UEVLD: variants seen among roughly 807,000 people sequenced by gnomAD.
UEVLD encodes ubiquitin-conjugating enzyme E2 variant 3.
In UEVLD, 47 loss-of-function variants were observed where a neutral mutation model predicts 58.6. The ratio of observed to expected loss-of-function variants is 0.80; its 90% CI spans 0.63 to 1.02. The LOEUF (loss-of-function observed/expected upper bound fraction) is 1.02, where lower values mean the gene tolerates loss of function less well. Ranked by LOEUF, UEVLD falls within the 50% of genes least tolerant of loss-of-function variation. UEVLD has a pLI of 0.00. For missense variants in UEVLD, 510 were observed against 550.6 expected (o/e 0.93, Z 0.74); for synonymous variants, 197 against 195.3 (o/e 1.01, Z -0.07).
chr11:18,564,023 AAG>A (rs1491348492), intron 6 of UEVLD: 19 of 338,740 alleles, frequency 5.6e-5, no homozygotes, highest in South Asian at 9.8e-5. Context: ...AAAAAAAAAA[AAG>A]AGGTGATAGT....
At chr11:18,546,837 G>T in intron 8 of UEVLD, 43 bp downstream of exon 8, 1 of 1,599,494 alleles carries the variant, frequency 6.3e-7, no homozygotes, top group Non-Finnish European at 8.5e-7. Context: ...CAATTCTACT[G>T]ATGTACTGGA....
intron 1 of UEVLD, among the ~76,000 whole-genome samples, chr11:18,584,151 A>G (rs1481733013): frequency 6.6e-6 from 1 of 152,206 alleles, no homozygotes; most frequent in Admixed American, 6.5e-5. Flanking sequence ...AGTCAAGGAC[A>G]AAGGATCACT....
intron 7 of UEVLD, among the ~76,000 whole-genome samples, chr11:18,552,766 C>T (rs1025133056): frequency 3.3e-5 from 5 of 151,756 alleles, no homozygotes; most frequent in African/African-American, 1.2e-4. Flanking sequence ...GAGGCTGGGG[C>T]AAGAGAATCG....
At chr11:18,556,177 A>G (rs1851750202) in intron 7 of UEVLD, among the ~76,000 whole-genome samples, 1 of 152,236 alleles carries the variant, frequency 6.6e-6, no homozygotes, top group African/African-American at 2.4e-5. Flanking sequence ...CTTCAGTCCT[A>G]CGTGGCCTCA....
chr11:18,577,757 A>C (rs1852994841), intron 2 of UEVLD, among the ~76,000 whole-genome samples: 1 of 151,912 alleles, frequency 6.6e-6, no homozygotes, highest in African/African-American at 2.4e-5. Context: ...CTGTAATCCC[A>C]GCTACTCGGA....
At chr11:18,544,035 T>C (rs1251531609) in intron 9 of UEVLD, among the ~76,000 whole-genome samples, 2 of 152,240 alleles carry the variant, frequency 1.3e-5, no homozygotes, top group African/African-American at 4.8e-5. Context: ...TTTAAATGTT[T>C]CTTTCTGGAA....
chr11:18,563,410 G>C (rs1384077069), intron 6 of UEVLD, among the ~76,000 whole-genome samples: 1 of 151,918 alleles, frequency 6.6e-6, no homozygotes, highest in Non-Finnish European at 1.5e-5. Context: ...GGGCAACATG[G>C]TGAAACTCTG....
At chr11:18,570,167 T>TAA in intron 4 of UEVLD, 47 bp downstream of exon 4, 1 of 1,461,018 alleles carries the variant, frequency 6.8e-7, no homozygotes, top group Non-Finnish European at 9.2e-7. Context: ...TGATAGGTAT[T>TAA]TAAAAAAAAA....
At chr11:18,575,266 G>T in intron 3 of UEVLD, 81 bp downstream of exon 3, 1 of 1,430,638 alleles carries the variant, frequency 7.0e-7, no homozygotes, top group Non-Finnish European at 9.6e-7. Flanking sequence ...CTTTAAGAAT[G>T]TTATGGCATA....
intron 1 of UEVLD, among the ~76,000 whole-genome samples, chr11:18,582,598 G>A (rs575530729): frequency 6.6e-6 from 1 of 152,010 alleles, no homozygotes; most frequent in African/African-American, 2.4e-5. Context: ...CCCTCCCAAA[G>A]GGCTGGGATT....
At chr11:18,572,623 G>A (rs182332673) in intron 3 of UEVLD, among the ~76,000 whole-genome samples, 135 of 152,188 alleles carry the variant, frequency 8.9e-4, no homozygotes, top group African/African-American at 3.1e-3. Context: ...TGACCAACAT[G>A]GAGAAACCTC....
At chr11:18,585,616 C>A (rs1853508210) in intron 1 of UEVLD, among the ~76,000 whole-genome samples, 1 of 151,540 alleles carries the variant, frequency 6.6e-6, no homozygotes, top group Non-Finnish European at 1.5e-5. Context: ...AATCTATCAT[C>A]TATTCTTTCC....
chr11:18,567,709 G>A (rs765803415), intron 4 of UEVLD, among the ~76,000 whole-genome samples: 7 of 152,106 alleles, frequency 4.6e-5, no homozygotes, highest in Non-Finnish European at 8.8e-5. Context: ...GCAAACCCTG[G>A]CCTAGATGAC....
intron 10 of UEVLD, 118 bp downstream of exon 10, chr11:18,536,287 GT>G: frequency 1.1e-6 from 1 of 896,798 alleles, no homozygotes. Flanking sequence ...ATACTTTTGG[GT>G]TTGTCCATAT....
intron 7 of UEVLD, among the ~76,000 whole-genome samples, chr11:18,557,326 G>A (rs1381874790): frequency 6.6e-6 from 1 of 150,620 alleles, no homozygotes; most frequent in Admixed American, 6.6e-5. Context: ...TAATTTTTTT[G>A]TATTTTTAGT....
At chr11:18,564,052 T>C in intron 6 of UEVLD, 1 of 193,654 alleles carries the variant, frequency 5.2e-6, no homozygotes, top group Non-Finnish European at 1.1e-5. Context: ...AAATGGAGGG[T>C]GAAAGAAATA....
intron 6 of UEVLD, among the ~76,000 whole-genome samples, chr11:18,560,549 T>A (rs1245263911): frequency 6.6e-6 from 1 of 152,146 alleles, no homozygotes; most frequent in East Asian, 1.9e-4. Flanking sequence ...TATCAGTACA[T>A]GTGTAAAAGA....
intron 9 of UEVLD, 35 bp downstream of exon 9, chr11:18,544,588 A>AG: frequency 6.4e-7 from 1 of 1,571,858 alleles, no homozygotes; most frequent in Non-Finnish European, 8.6e-7. Context: ...TACAGGCATG[A>AG]GCCACCACAC....
Position 18,546,915 on chromosome 11 carries a change from C to T in UEVLD, c.851G>A (p.Ser284Asn). Residue 284 changes from serine to asparagine, a missense_variant, in exon 8 of 12, where the codon AGT (serine) becomes AAT (asparagine). Ser to Asn is a conservative substitution (Grantham distance 46). Transcript: ENST00000396197. ...TGCAACGAGCAGGACACTGTGTTGA[C>T]TATAATGTCCCAGAGCTGGGACAAG... ...RALVPALGHY[S>N]QHSVLLVASQ... The T allele has an allele frequency of 1.2e-6, 2 of 1,613,882 alleles. No homozygotes were observed. Among genetic ancestry groups the T allele is most frequent in the South Asian group, 1.1e-5 (1 of 91,002 alleles).
Sources: allele counts gnomAD v4.1 joint callset (sites outside exome capture counted in the v4.1 genomes callset), GRCh38; gene constraint gnomAD v4.1.1; transcripts MANE v1.5; gene names NCBI Gene and HGNC (gene_info 2026-07-23, HGNC 2026-07-21).